The following PCDH9 variants were observed in gnomAD, a reference collection of about 807,000 sequenced individuals.
The protein encoded by PCDH9 is protocadherin 9, also known as protocadherin-9.
PCDH9 carries 24 observed loss-of-function variants against 70.6 expected under a neutral mutation model. That is an observed-to-expected ratio of 0.34 (90% confidence interval 0.25 to 0.48). The LOEUF is 0.48. Ranked by LOEUF, PCDH9 falls within the 20% of genes least tolerant of loss-of-function variation. The pLI is 0.99. For missense variants in PCDH9, 1,281 were observed against 1,503.6 expected (o/e 0.85, Z 2.45); for synonymous variants, 562 against 558.5 (o/e 1.01, Z -0.09).
intron 4 of PCDH9, among the ~76,000 whole-genome samples, chr13:66,398,797 A>G (rs950539225): frequency 1.4e-4 from 22 of 152,210 alleles, no homozygotes; most frequent in African/African-American, 5.3e-4. Context: ...CAAAATTTAT[A>G]AGAAAACAAA....
At chr13:67,013,430 T>C (rs1055742768) in intron 2 of PCDH9, among the ~76,000 whole-genome samples, 9 of 152,046 alleles carry the variant, frequency 5.9e-5, no homozygotes, top group African/African-American at 2.2e-4. Context: ...TTTCATCTTC[T>C]GGATGTAGAT....
chr13:66,598,071 C>A (rs1409844454), intron 4 of PCDH9, among the ~76,000 whole-genome samples: 1 of 151,588 alleles, frequency 6.6e-6, no homozygotes, highest in African/African-American at 2.4e-5. Flanking sequence ...AAAAAGAAAT[C>A]CCCTGAAAAT....
chr13:66,958,579 A>G (rs2139719176), intron 2 of PCDH9, among the ~76,000 whole-genome samples: 1 of 152,344 alleles, frequency 6.6e-6, no homozygotes, highest in East Asian at 1.9e-4. Flanking sequence ...CACACATATC[A>G]CATTACCAAA....
rs571125355 is a variant in PCDH9 at position 66,973,370 on chromosome 13, A to C, written c.3037-69765T>G. ...AGTTGATACAAGCAAGAACAAAAGC[A>C]AACTGTTAAAATCAAGATGCCCAAA... On this transcript the variant is annotated intron_variant, in intron 2 of 4. Transcript: ENST00000377865. Among the ~76,000 whole-genome samples, 5 of 152,066 alleles carry C rather than the reference A, an allele frequency of 3.3e-5. No individual in the cohort carries two copies. The East Asian group carries it at 5.8e-4, about 18-fold the overall frequency.
chr13:66,918,672 C>A (rs1157298186), intron 2 of PCDH9, among the ~76,000 whole-genome samples: 1 of 150,872 alleles, frequency 6.6e-6, no homozygotes, highest in Non-Finnish European at 1.5e-5. Context: ...ATAAAATAGA[C>A]CCACTATTTT....
chr13:67,139,206 C>T (rs2087310606), intron 2 of PCDH9, among the ~76,000 whole-genome samples: 1 of 152,190 alleles, frequency 6.6e-6, no homozygotes, highest in Non-Finnish European at 1.5e-5. Context: ...TGAAGACTTT[C>T]TTCTGACATC....
intron 4 of PCDH9, among the ~76,000 whole-genome samples, chr13:66,457,685 T>C (rs1426787111): frequency 6.6e-5 from 10 of 151,966 alleles, no homozygotes; most frequent in Non-Finnish European, 1.5e-4. Context: ...CCCAGGCGAT[T>C]GCAAATTACA....
chr13:67,082,449 C>T (rs1337416160), intron 2 of PCDH9, among the ~76,000 whole-genome samples: 1 of 152,130 alleles, frequency 6.6e-6, no homozygotes. Flanking sequence ...AATAATATGC[C>T]ATTGTATGTA....
chr13:66,982,522 G>A (rs2083795667), intron 2 of PCDH9, among the ~76,000 whole-genome samples: 1 of 152,136 alleles, frequency 6.6e-6, no homozygotes, highest in South Asian at 2.1e-4. Flanking sequence ...ACTAAAAATA[G>A]TTAAATTTGT....
intron 4 of PCDH9, among the ~76,000 whole-genome samples, chr13:66,356,676 G>T (rs2138184301): frequency 6.6e-6 from 1 of 152,136 alleles, no homozygotes; most frequent in Non-Finnish European, 1.5e-5. Context: ...CACAACAACT[G>T]CATCAGATTC....
chr13:66,753,275 GAAT>G (rs2079488335), intron 3 of PCDH9, among the ~76,000 whole-genome samples: 1 of 151,964 alleles, frequency 6.6e-6, no homozygotes, highest in South Asian at 2.1e-4. Flanking sequence ...AGCTAGATAG[GAAT>G]AATAAGTTTT....
At chr13:67,164,434 G>A (rs1424022508) in intron 2 of PCDH9, among the ~76,000 whole-genome samples, 1 of 151,896 alleles carries the variant, frequency 6.6e-6, no homozygotes, top group African/African-American at 2.4e-5. Flanking sequence ...AATTAGCCTG[G>A]TGTGGTGGCA....
At chr13:66,742,887 C>T (rs2079290063) in intron 3 of PCDH9, among the ~76,000 whole-genome samples, 2 of 137,956 alleles carry the variant, frequency 1.4e-5, no homozygotes, top group East Asian at 4.4e-4. Flanking sequence ...CACTTTTACA[C>T]TGTTGGTGGG....
intron 4 of PCDH9, among the ~76,000 whole-genome samples, chr13:66,479,649 C>T (rs1450217973): frequency 6.6e-6 from 1 of 151,338 alleles, no homozygotes; most frequent in Non-Finnish European, 1.5e-5. Context: ...ATTGTAAATG[C>T]ACCAATCAGC....
In PCDH9 at chr13:66,349,607, A is replaced by C. The variant is rs970537424; in HGVS notation, c.3341-44579T>G. On this transcript the variant is annotated intron_variant, in intron 4 of 4. Coordinates refer to ENST00000377865, the MANE Select transcript of PCDH9 (RefSeq NM_203487.3). The stretch of plus-strand genomic sequence containing the variant: ...ACCAAGTGCCAATATCTTCAAAAGC[A>C]ACTGATGAGAGTACTAGTGGCTTTT... Among the ~76,000 whole-genome samples the C allele has an allele frequency of 8.5e-5, 13 of 152,286 alleles. No homozygotes were observed. The East Asian group carries it at 2.5e-3, about 30-fold the overall frequency.
intron 2 of PCDH9, among the ~76,000 whole-genome samples, chr13:67,121,718 AT>A (rs773978249): frequency 4.3e-4 from 66 of 152,288 alleles, no homozygotes; most frequent in Admixed American, 8.5e-4. Context: ...TGTAAGAAAA[AT>A]CTTTTTGTTT....
At chr13:66,879,157 T>C (rs2081876609) in intron 3 of PCDH9, among the ~76,000 whole-genome samples, 1 of 152,180 alleles carries the variant, frequency 6.6e-6, no homozygotes, top group Non-Finnish European at 1.5e-5. Flanking sequence ...GAGTAGTGCC[T>C]TATTCTGGAG....
At chr13:66,863,578 C>G (rs550615875) in intron 3 of PCDH9, among the ~76,000 whole-genome samples, 1 of 152,032 alleles carries the variant, frequency 6.6e-6, no homozygotes, top group Non-Finnish European at 1.5e-5. Context: ...TTCCGCCTCC[C>G]GGGTTCACGC....
chr13:66,812,051 G>A (rs895402112), intron 3 of PCDH9, among the ~76,000 whole-genome samples: 6 of 151,970 alleles, frequency 3.9e-5, no homozygotes, highest in Non-Finnish European at 7.4e-5. Context: ...CAAATTTGTA[G>A]TCTTTTATAC....
Sources: gnomAD v4.1 joint callset for allele counts (sites outside exome capture counted in the v4.1 genomes callset) on GRCh38, gnomAD v4.1.1 for gene constraint, MANE v1.5 for transcripts, NCBI Gene and HGNC (gene_info 2026-07-23, HGNC 2026-07-21) for gene names.